The following VPS13B variants were observed in gnomAD, a reference collection of about 807,000 sequenced individuals.
The protein encoded by VPS13B is vacuolar protein sorting 13 homolog B, also known as intermembrane lipid transfer protein VPS13B.
A neutral mutation model predicts 426.4 loss-of-function variants in VPS13B; 285 were observed. The observed-to-expected ratio is 0.67, with a 90% CI of 0.61 to 0.74. The LOEUF (loss-of-function observed/expected upper bound fraction) is 0.74. Among genes scored for constraint, VPS13B ranks in the 30% least tolerant of loss-of-function variants. The probability of loss-of-function intolerance (pLI) is 0.00; values close to 1 mark genes in which losing one functional copy is unlikely to be tolerated. For synonymous variants in VPS13B, 1,676 were observed against 1,676.4 expected (o/e 1.00, Z 0.01); for missense variants, 4,537 against 4,782.6 (o/e 0.95, Z 1.51).
At chr8:99,274,424 C>G in intron 18 of VPS13B, 92 bp downstream of exon 18, 1 of 1,579,536 alleles carries the variant, frequency 6.3e-7, no homozygotes, top group Non-Finnish European at 8.7e-7. Context: ...CAAGAATTTA[C>G]TCACTGTTGC....
Position 99,538,039 on chromosome 8 carries a change from C to T in VPS13B, c.4745+17029C>T, listed in dbSNP as rs918253477. On this transcript the variant is annotated intron_variant, in intron 30 of 61. Coordinates refer to ENST00000357162, the MANE Select transcript of VPS13B (RefSeq NM_152564.5). ...GACCTGCTAGTACTAGCATTACTGT[C>T]GACAGATGCTCTTTAGGTTTCCTCA... Among the ~76,000 whole-genome samples, 4 of 152,208 alleles carry T rather than the reference C, an allele frequency of 2.6e-5. No homozygotes were observed. The East Asian group carries it at 5.8e-4, about 22-fold the overall frequency.
intron 40 of VPS13B, among the ~76,000 whole-genome samples, chr8:99,775,276 G>T (rs1811683981): frequency 6.6e-6 from 1 of 152,142 alleles, no homozygotes; most frequent in African/African-American, 2.4e-5. Context: ...TCCTGTCATA[G>T]TTCTCCCTAG....
intron 27 of VPS13B, 37 bp from the exon 28 acceptor site, chr8:99,507,100 T>C (rs375788305): frequency 3.0e-5 from 48 of 1,612,244 alleles, no homozygotes; most frequent in Non-Finnish European, 3.7e-5. Flanking sequence ...CTCAGAAAAA[T>C]TGAAGAGAAC....
At chr8:99,629,640 T>C (rs972682326) in intron 33 of VPS13B, among the ~76,000 whole-genome samples, 2 of 152,156 alleles carry the variant, frequency 1.3e-5, no homozygotes, top group Non-Finnish European at 2.9e-5. Flanking sequence ...AAGGTGAATG[T>C]GAAGTTCCAG....
At chr8:99,487,847 T>A (rs1820393300) in intron 25 of VPS13B, among the ~76,000 whole-genome samples, 1 of 152,198 alleles carries the variant, frequency 6.6e-6, no homozygotes, top group African/African-American at 2.4e-5. Flanking sequence ...TCTGTTTCTT[T>A]GTTGCTGGAC....
intron 16 of VPS13B, 68 bp downstream of exon 16, chr8:99,170,231 A>G: frequency 6.4e-7 from 1 of 1,562,110 alleles, no homozygotes; most frequent in Non-Finnish European, 8.8e-7. Context: ...AAACCCCCAA[A>G]TGTATCTGTC....
intron 20 of VPS13B, among the ~76,000 whole-genome samples, chr8:99,387,127 C>A (rs549742767): frequency 3.0e-4 from 46 of 152,226 alleles, no homozygotes; most frequent in African/African-American, 1.1e-3. Context: ...TAGCACTAGG[C>A]AAGTATTTTG....
intron 33 of VPS13B, among the ~76,000 whole-genome samples, chr8:99,593,357 A>T (rs781758458): frequency 2.6e-5 from 4 of 152,162 alleles, no homozygotes; most frequent in Non-Finnish European, 4.4e-5. Flanking sequence ...AACCACAATG[A>T]GATACCATCT....
intron 3 of VPS13B, among the ~76,000 whole-genome samples, chr8:99,082,770 G>A (rs1460295151): frequency 6.6e-6 from 1 of 152,146 alleles, no homozygotes; most frequent in African/African-American, 2.4e-5. Context: ...TCAGATGATT[G>A]TAGATATGTG....
At chr8:99,740,141 G>T (rs900842807) in intron 39 of VPS13B, among the ~76,000 whole-genome samples, 5 of 152,192 alleles carry the variant, frequency 3.3e-5, no homozygotes, top group African/African-American at 1.2e-4. Context: ...ACCTGACGGA[G>T]CTGCAAACCA....
chr8:99,353,343 A>C (rs1367975154), intron 19 of VPS13B, among the ~76,000 whole-genome samples: 1 of 152,166 alleles, frequency 6.6e-6, no homozygotes, highest in African/African-American at 2.4e-5. Flanking sequence ...ATAAAAGAAA[A>C]GCAGATGTAG....
intron 19 of VPS13B, among the ~76,000 whole-genome samples, chr8:99,371,583 A>T (rs571885724): frequency 6.6e-6 from 1 of 152,320 alleles, no homozygotes; most frequent in East Asian, 1.9e-4. Context: ...TGTGAACTTT[A>T]AAGTAGTTTT....
Position 99,667,204 on chromosome 8 carries a change from G to C in VPS13B, c.6046+5713G>C, listed in dbSNP as rs572532781. ...AGGGCTTGAAAGTCATGTCTAAAAA[G>C]CTCCCAGATGAAGTAGATGCTGTTG... On this transcript the variant is annotated intron_variant, in intron 35 of 61. Coordinates refer to ENST00000357162, the MANE Select transcript of VPS13B (RefSeq NM_152564.5). Among the ~76,000 whole-genome samples, 4 of 152,224 alleles carry C rather than the reference G, an allele frequency of 2.6e-5. No homozygotes were observed. The South Asian group carries it at 8.3e-4, about 32-fold the overall frequency.
intron 21 of VPS13B, among the ~76,000 whole-genome samples, chr8:99,422,429 T>A (rs558021962): frequency 6.6e-6 from 1 of 152,280 alleles, no homozygotes; most frequent in South Asian, 2.1e-4. Flanking sequence ...ATTTATTAGA[T>A]AGATTCATTT....
intron 17 of VPS13B, among the ~76,000 whole-genome samples, chr8:99,236,567 T>C (rs938210755): frequency 1.3e-5 from 2 of 152,202 alleles, no homozygotes; most frequent in South Asian, 2.1e-4. Context: ...TTTAATTTGA[T>C]GTAATCTCTA....
intron 44 of VPS13B, among the ~76,000 whole-genome samples, chr8:99,814,328 G>A (rs1813895387): frequency 6.6e-6 from 1 of 152,180 alleles, no homozygotes; most frequent in Non-Finnish European, 1.5e-5. Context: ...TAATGAGGCA[G>A]ATACTATTCT....
intron 36 of VPS13B, among the ~76,000 whole-genome samples, chr8:99,715,198 C>A (rs1832862935): frequency 6.6e-6 from 1 of 151,768 alleles, no homozygotes; most frequent in Non-Finnish European, 1.5e-5. Context: ...AAGATGTAAG[C>A]AGTTTTATTT....
intron 15 of VPS13B, among the ~76,000 whole-genome samples, chr8:99,167,743 T>C (rs577924713): frequency 2.6e-5 from 4 of 152,246 alleles, no homozygotes; most frequent in Non-Finnish European, 5.9e-5. Flanking sequence ...CAGGTGGCAA[T>C]ACATGTTTAA....
At chr8:99,520,531 T>C (rs1822324493) in intron 29 of VPS13B, among the ~76,000 whole-genome samples, 1 of 151,982 alleles carries the variant, frequency 6.6e-6, no homozygotes, top group Non-Finnish European at 1.5e-5. Flanking sequence ...CAATGAAGTA[T>C]TAAGAACCCA....
Sources: gnomAD v4.1 joint callset for allele counts (sites outside exome capture counted in the v4.1 genomes callset) on GRCh38, gnomAD v4.1.1 for gene constraint, MANE v1.5 for transcripts, NCBI Gene and HGNC (gene_info 2026-07-23, HGNC 2026-07-21) for gene names.